Variants in PSG11 observed in about 807,000 individuals in gnomAD.
PSG11 encodes the protein pregnancy specific beta-1-glycoprotein 11.
In PSG11, 42 loss-of-function variants were observed where a neutral mutation model predicts 36.0. The ratio of observed to expected loss-of-function variants is 1.17; its 90% CI spans 0.91 to 1.51. The LOEUF (loss-of-function observed/expected upper bound fraction) is 1.51. Ranked by LOEUF, PSG11 falls within the 40% of genes most tolerant of loss-of-function variation. PSG11 has a pLI of 0.00. For synonymous variants in PSG11, 206 were observed against 153.5 expected, an observed-to-expected ratio of 1.34 and a Z score of -2.53; for missense variants, 558 against 403.5, an observed-to-expected ratio of 1.38 and a Z score of -3.28.
intron 3 of PSG11, among the ~76,000 whole-genome samples, chr19:43,015,572 CAAG>C (rs771018018): frequency 4.0e-5 from 6 of 151,404 alleles, no homozygotes; most frequent in Non-Finnish European, 8.8e-5. Flanking sequence ...TCTCCCATGA[CAAG>C]AGCATCCCCT....
chr19:43,019,460 T>A (rs1967051205), intron 2 of PSG11: 1 of 209,244 alleles, frequency 4.8e-6, no homozygotes, highest in Non-Finnish European at 9.7e-6. Flanking sequence ...TCTCTGCAGC[T>A]TCCCTTGCCA....
intron 5 of PSG11, among the ~76,000 whole-genome samples, chr19:43,009,512 A>T (rs1327098435): frequency 6.6e-6 from 1 of 151,252 alleles, no homozygotes; most frequent in African/African-American, 2.4e-5. Flanking sequence ...GCTAGTGTAT[A>T]CCCCTGGAGA....
intron 1 of PSG11, among the ~76,000 whole-genome samples, chr19:43,025,795 G>A (rs1162419463): frequency 6.7e-6 from 1 of 150,102 alleles, no homozygotes; most frequent in Non-Finnish European, 1.5e-5. Context: ...GATTAATCAG[G>A]AAAACAGAAC....
intron 3 of PSG11, among the ~76,000 whole-genome samples, chr19:43,018,091 C>G (rs889889775): frequency 1.3e-5 from 2 of 151,202 alleles, no homozygotes; most frequent in Non-Finnish European, 1.5e-5. Flanking sequence ...AAACATAGTG[C>G]CAATGCTCCA....
intron 3 of PSG11, chr19:43,015,969 A>G: frequency 1.2e-6 from 2 of 1,610,148 alleles, no homozygotes; most frequent in South Asian, 2.2e-5. Context: ...TCTTAGGTTC[A>G]CAGGTGAAGG....
At chr19:43,018,602 C>T in intron 3 of PSG11, 168 bp downstream of exon 3, 1 of 1,483,092 alleles carries the variant, frequency 6.7e-7, no homozygotes, top group African/African-American at 1.4e-5. Context: ...CACTGTGGAT[C>T]AAGCCTAGGC....
Position 43,009,987 on chromosome 19 carries a change from C to T in PSG11, c.*11G>A, listed in dbSNP as rs1974032382. ...CAGTCTTCCTGAAATACAAAAATGA[C>T]ATCACGGCTGCTACGTTGGATTATT... On this transcript the variant is annotated 3_prime_UTR_variant, in exon 5 of 6. Coordinates refer to ENST00000320078, the MANE Select transcript of PSG11 (RefSeq NM_002785.3). 3.1e-6 allele frequency: 5 copies of T among 1,604,712 alleles called. No individual in the cohort carries two copies. Among genetic ancestry groups the T allele is most frequent in the South Asian group, 1.1e-5 (1 of 90,614 alleles).
Position 43,010,380 on chromosome 19 carries a change from G to A in PSG11, c.965-339C>T, listed in dbSNP as rs1974042981. The A allele has an allele frequency of 3.2e-6, 5 of 1,555,454 alleles. No homozygotes were observed. In the East Asian group the frequency reaches 1.2e-4, roughly 37 times the overall value. On this transcript the variant is annotated intron_variant, in intron 4 of 5. Coordinates refer to ENST00000320078, the MANE Select transcript of PSG11 (RefSeq NM_002785.3). The stretch of plus-strand genomic sequence containing the variant: ...GTTGCATCTTTTTCTCAGTGTCTCT[G>A]TTGTGGCAGTCATGAATGAGACTCT...
chr19:43,026,013 C>G (rs1255592386), intron 1 of PSG11, among the ~76,000 whole-genome samples: 3 of 135,088 alleles, frequency 2.2e-5, no homozygotes, highest in Non-Finnish European at 4.6e-5. Context: ...ACTATCTCAG[C>G]TCACTGCAAC....
intron 4 of PSG11, among the ~76,000 whole-genome samples, chr19:43,012,273 A>G (rs547736411): frequency 6.6e-6 from 1 of 151,428 alleles, no homozygotes; most frequent in Non-Finnish European, 1.5e-5. Context: ...ACTTTTATTC[A>G]ACATAGTATT....
chr19:43,008,412 A>T (rs1368215106), intron 5 of PSG11, among the ~76,000 whole-genome samples: 1 of 150,964 alleles, frequency 6.6e-6, no homozygotes, highest in African/African-American at 2.5e-5. Context: ...AGCTGGGACT[A>T]CAGGTGCCTG....
rs73937307 is a variant in PSG11, at chr19:43,024,819, A to G, written c.302T>C (p.Val101Ala). 8.9e-4 allele frequency: 1,433 copies of G among 1,611,938 alleles called. 75 individuals are homozygous for G. In the African/African-American group the frequency reaches 0.016, roughly 18 times the overall value. Residue 101 changes from valine (V) to alanine (A), a missense_variant, in exon 2 of 6, where the codon GTA (valine) becomes GCA (alanine). Val to Ala is a moderately conservative substitution (Grantham distance 64, BLOSUM62 0). Coordinates refer to ENST00000320078, the MANE Select transcript of PSG11 (RefSeq NM_002785.3). ...GATCAGCAGGGATGCATTGGAATAT[A>G]CTGTTTCTCGTCCACTGTATGCCGG... ...YGPAYSGRET[V>A]YSNASLLIQN...
chr19:43,018,495 T>C (rs556477541), intron 3 of PSG11: 6 of 730,486 alleles, frequency 8.2e-6, no homozygotes, highest in Non-Finnish European at 1.3e-5. Flanking sequence ...AAATCCTCGC[T>C]GTGTTCACTG....
rs1311136812 is a variant in PSG11, at chr19:43,015,310, A to T, written c.770T>A (p.Leu257His). ...AGAGTTTGCGAAGCAGGACAAGTCG[A>T]GGTTCTCTCCTGAATAGTAAGAGGT... ...SVTSYYSGEN[L>H]DLSCFANSNP... is the part of the protein sequence containing the mutation. The change falls in exon 4 of 6, where the codon CTC (leucine) becomes CAC (histidine). Residue 257 changes from leucine (L) to histidine (H), a missense_variant. Physicochemically the swap from Leu to His is moderately conservative, Grantham distance 99 (BLOSUM62 -3). Transcript: ENST00000320078. The T allele has an allele frequency of 3.1e-6, 5 of 1,610,176 alleles. 1 individual carries two copies. The highest frequency in any genetic ancestry group is 1.3e-5 in the African/African-American group (1 of 74,498).
At chr19:43,010,909 A>ATG in intron 4 of PSG11, among the ~76,000 whole-genome samples, 1 of 146,494 alleles carries the variant, frequency 6.8e-6, no homozygotes, top group East Asian at 2.0e-4. Context: ...ATATATATAT[A>ATG]TATATGGAAA....
chr19:43,024,579 G>C (rs879079568), intron 2 of PSG11, 112 bp downstream of exon 2: 2 of 1,576,148 alleles, frequency 1.3e-6, no homozygotes, highest in South Asian at 2.3e-5. Flanking sequence ...CCCCAGCATG[G>C]GACATAATGC....
chr19:43,023,629 G>T (rs2122830345), intron 2 of PSG11, among the ~76,000 whole-genome samples: 1 of 151,342 alleles, frequency 6.6e-6, no homozygotes. Context: ...GCCAATAAAT[G>T]ACTATGGGGT....
intron 2 of PSG11, 32 bp from the exon 3 acceptor site, chr19:43,019,080 T>A (rs949653104): frequency 6.3e-7 from 1 of 1,599,826 alleles, no homozygotes; most frequent in Non-Finnish European, 8.5e-7. Flanking sequence ...GATTGCCCTG[T>A]GTGGCACCTT....
At chr19:43,017,236 T>C (rs940619568) in intron 3 of PSG11, 2 of 151,526 alleles carry the variant, frequency 1.3e-5, no homozygotes, top group African/African-American at 2.4e-5. Flanking sequence ...AAAAGTGTTT[T>C]GGATTTCTGA....
Sources: allele counts gnomAD v4.1 joint callset (sites outside exome capture counted in the v4.1 genomes callset), GRCh38; gene constraint gnomAD v4.1.1; transcripts MANE v1.5; gene names NCBI Gene and HGNC (gene_info 2026-07-23, HGNC 2026-07-21).